CEP78: variants seen among roughly 807,000 people sequenced by gnomAD.
CEP78 encodes centrosomal protein of 78 kDa.
Under a neutral mutation model 81.2 loss-of-function variants are expected in CEP78, and 76 were observed. The observed-to-expected ratio is 0.94, with a 90% confidence interval of 0.78 to 1.13. The LOEUF (loss-of-function observed/expected upper bound fraction) is 1.13. Among genes scored for constraint, CEP78 ranks in the 50% most tolerant of loss-of-function variants. CEP78 has a pLI of 0.00. For missense variants in CEP78, 918 were observed against 846.8 expected, an observed-to-expected ratio of 1.08 and a Z score of -1.04; for synonymous variants, 293 against 301.4, an observed-to-expected ratio of 0.97 and a Z score of 0.29.
chr9:78,237,221 T>C (rs1825998196), intron 1 of CEP78, among the ~76,000 whole-genome samples: 1 of 152,012 alleles, frequency 6.6e-6, no homozygotes, highest in East Asian at 1.9e-4. Context: ...CCTCAGGTGA[T>C]CCGCCCGCTT....
intron 8 of CEP78, 77 bp downstream of exon 8, chr9:78,248,950 G>C (rs1312427754): frequency 1.6e-6 from 1 of 639,382 alleles, no homozygotes; most frequent in East Asian, 3.2e-5. Context: ...CTCATTGTAT[G>C]ATATTGACAG....
At chr9:78,245,216 A>C (rs909111619) in intron 5 of CEP78, among the ~76,000 whole-genome samples, 10 of 151,874 alleles carry the variant, frequency 6.6e-5, no homozygotes, top group Non-Finnish European at 1.5e-4. Flanking sequence ...TAACTCCATT[A>C]TAGAAGCATA....
chr9:78,252,079 A>G, intron 9 of CEP78, 36 bp downstream of exon 9: 6 of 1,518,722 alleles, frequency 4.0e-6, no homozygotes, highest in Non-Finnish European at 3.6e-6. Flanking sequence ...TTAGGATAAA[A>G]ATGGGATTCA....
chr9:78,241,631 A>G (rs1428497150), intron 3 of CEP78, 65 bp from the exon 4 acceptor site: 2 of 725,324 alleles, frequency 2.8e-6, no homozygotes, highest in Non-Finnish European at 4.7e-6. Flanking sequence ...GAGCAAATAA[A>G]TCAAGACTGA....
chr9:78,240,021 A>C lies in CEP78; in HGVS notation c.254-2A>C. 1 of 1,563,200 alleles carries C rather than the reference A, an allele frequency of 6.4e-7. No homozygotes were observed. Among genetic ancestry groups the C allele is most frequent in the Non-Finnish European group, 8.6e-7 (1 of 1,162,934 alleles). On this transcript the variant is annotated splice_acceptor_variant, in intron 1 of 16. Transcript: ENST00000643273. LOFTEE classifies it high-confidence loss of function. Reference sequence around the variant, plus strand: ...ACTAACTTTCTTTTATCTTTGTTTTAGGTTCTGACATGAATAAATTTTGCA... The same window carrying C: ...ACTAACTTTCTTTTATCTTTGTTTTCGGTTCTGACATGAATAAATTTTGCA...
At chr9:78,237,498 T>C (rs1459748495) in intron 1 of CEP78, among the ~76,000 whole-genome samples, 1 of 152,086 alleles carries the variant, frequency 6.6e-6, no homozygotes, top group South Asian at 2.1e-4. Context: ...GCTAGCTAGG[T>C]AACAGGAAGG....
At chr9:78,257,188 G>C (rs1827076217) in intron 11 of CEP78, among the ~76,000 whole-genome samples, 1 of 151,522 alleles carries the variant, frequency 6.6e-6, no homozygotes, top group South Asian at 2.1e-4. Flanking sequence ...AAGATACTGA[G>C]GAAAGAAAGA....
At chr9:78,258,035 G>A (rs559017633) in intron 11 of CEP78, among the ~76,000 whole-genome samples, 2 of 152,226 alleles carry the variant, frequency 1.3e-5, no homozygotes, top group Admixed American at 6.5e-5. Context: ...TACTGCCGTG[G>A]TCTGTAGCTT....
chr9:78,248,235 G>T, intron 6 of CEP78, 56 bp from the exon 7 acceptor site: 1 of 892,152 alleles, frequency 1.1e-6, no homozygotes, highest in Non-Finnish European at 1.8e-6. Context: ...TTTTAAATGG[G>T]AATAGCCACT....
At position 78,264,259 on chromosome 9, in the gene CEP78, G is replaced by A. The variant is rs1340777285; in HGVS notation, c.1568G>A (p.Ser523Asn). The change falls in exon 13 of 17, where the codon AGC becomes AAC. Residue 523 changes from serine to asparagine, a missense_variant. Coordinates refer to ENST00000643273, the MANE Select transcript of CEP78 (RefSeq NM_001330691.3). ...MILDDEGVLGSIENSFQKFHA... is the reference protein window; with the variant it reads ...MILDDEGVLGNIENSFQKFHA... The stretch of plus-strand genomic sequence containing the variant: ...CTGGATGATGAAGGTGTTTTGGGCA[G>A]CATTGAGAATTCTTTTCAGAAGTTT... The A allele has an allele frequency of 1.2e-6, 2 of 1,612,702 alleles. No homozygotes were observed. Among genetic ancestry groups the A allele is most frequent in the East Asian group, 2.2e-5 (1 of 44,692 alleles).
intron 5 of CEP78, 44 bp downstream of exon 5, chr9:78,243,680 G>C: frequency 6.5e-7 from 1 of 1,527,752 alleles, no homozygotes; most frequent in South Asian, 1.2e-5. Context: ...TGAATTTTTT[G>C]ATATTAAATA....
At chr9:78,243,004 A>G (rs961637694) in intron 4 of CEP78, among the ~76,000 whole-genome samples, 1 of 152,170 alleles carries the variant, frequency 6.6e-6, no homozygotes, top group African/African-American at 2.4e-5. Flanking sequence ...TACATAAAAT[A>G]TGTATATAGA....
chr9:78,270,749 A>C, intron 16 of CEP78, 92 bp from the exon 17 acceptor site: 1 of 614,600 alleles, frequency 1.6e-6, no homozygotes. Context: ...TCGGCATGAT[A>C]GGAGATGATT....
rs1450182211 is a variant in CEP78 at position 78,275,187 on chromosome 9, A to C, written c.*4336A>C. 1 of 152,212 alleles carries C rather than the reference A, an allele frequency of 6.6e-6. No homozygotes were observed. Among genetic ancestry groups the C allele is most frequent in the Non-Finnish European group, 1.5e-5 (1 of 68,024 alleles). 9.4% of individuals were successfully genotyped at this position (152,212 alleles called of 1,614,324 possible). A position where few individuals can be genotyped will look rare whatever the true frequency, so the allele number is the denominator to read the frequency against. ...AATAATTGTGTAGTGTTAAACCAATAAATTTGAAAGACTAGATGAAATGTG... is the reference window on the plus strand; with the variant it reads ...AATAATTGTGTAGTGTTAAACCAATCAATTTGAAAGACTAGATGAAATGTG... On this transcript the variant is annotated 3_prime_UTR_variant, in exon 17 of 17. Coordinates refer to ENST00000643273, the MANE Select transcript of CEP78 (RefSeq NM_001330691.3).
intron 15 of CEP78, 78 bp from the exon 16 acceptor site, chr9:78,266,364 A>G: frequency 1.9e-6 from 2 of 1,053,384 alleles, no homozygotes; most frequent in South Asian, 3.1e-5. Flanking sequence ...ATCACAGAAT[A>G]ACATTGACGT....
In CEP78 at chr9:78,236,227, C is replaced by T. The variant is rs115171840; in HGVS notation, c.-124C>T. The T allele has an allele frequency of 0.045, 37,365 of 824,166 alleles. 1,311 individuals carry two copies. Among genetic ancestry groups the T allele is most frequent in the Admixed American group, 0.13 (4,436 of 34,438 alleles). 51.1% of individuals were successfully genotyped at this position (824,166 alleles called of 1,614,324 possible). On this transcript the variant is annotated 5_prime_UTR_variant, in exon 1 of 17. Coordinates refer to ENST00000643273, the MANE Select transcript of CEP78 (RefSeq NM_001330691.3). ...CCGACCGAATCACCGCTCCTGAGCC[C>T]GGTGCGGGGCTGCCGCTATCGCCTG... is the stretch of plus-strand genomic sequence containing the variant.
rs533241445 is a variant in CEP78, at chr9:78,277,971, C to G, written c.*7120C>G. On this transcript the variant is annotated 3_prime_UTR_variant, in exon 17 of 17. Transcript: ENST00000643273. ...GAAGAAGTTGCACAGTAACCACGCA[C>G]TCCTGTTTACATTTGTATAGTTAAA... The G allele has an allele frequency of 7.2e-5, 11 of 152,258 alleles. No homozygotes were observed. Among genetic ancestry groups the G allele is most frequent in the African/African-American group, 2.6e-4 (11 of 41,558 alleles). 9.4% of individuals were successfully genotyped at this position (152,258 alleles called of 1,614,324 possible).
chr9:78,258,580 A>G (rs185580990), intron 11 of CEP78, among the ~76,000 whole-genome samples: 1 of 152,352 alleles, frequency 6.6e-6, no homozygotes, highest in East Asian at 1.9e-4. Context: ...GTAAGTAAAT[A>G]AGTAAGAATG....
Position 78,243,576 on chromosome 9 carries a change from A to G in CEP78, c.718A>G (p.Ile240Val), listed in dbSNP as rs1199341118. 6.2e-7 allele frequency: 1 copy of G among 1,613,916 alleles called. No individual in the cohort carries two copies. The highest frequency in any genetic ancestry group is 1.1e-5 in the South Asian group (1 of 91,070). Reference sequence around the variant, plus strand: ...TATCACACTGAATTGCAACACACTTATTGGTGACCTAGGTGCATGTGCTTT... The same window carrying G: ...TATCACACTGAATTGCAACACACTTGTTGGTGACCTAGGTGCATGTGCTTT... The part of the protein sequence containing the change: ...RRITLNCNTL[I>V]GDLGACAFAD... The change falls in exon 5 of 17, where the codon ATT becomes GTT. Residue 240 changes from isoleucine to valine, a missense_variant. Coordinates refer to ENST00000643273, the MANE Select transcript of CEP78 (RefSeq NM_001330691.3).
Sources: gnomAD v4.1 joint callset for allele counts (sites outside exome capture counted in the v4.1 genomes callset) on GRCh38, gnomAD v4.1.1 for gene constraint, MANE v1.5 for transcripts, NCBI Gene and HGNC (gene_info 2026-07-23, HGNC 2026-07-21) for gene names.